The following CSMD3 variants were observed in gnomAD, a reference collection of about 807,000 sequenced individuals.
The protein encoded by CSMD3 is CUB and Sushi multiple domains 3.
A neutral mutation model predicts 435.2 loss-of-function variants in CSMD3; 177 were observed. That is an observed-to-expected ratio of 0.41 (90% CI 0.36 to 0.46). The LOEUF (loss-of-function observed/expected upper bound fraction) is 0.46. CSMD3 is among the 20% of genes least tolerant of loss of function. CSMD3 has a pLI of 0.34. For synonymous variants in CSMD3, 1,656 were observed against 1,520.5 expected, an observed-to-expected ratio of 1.09 and a Z score of -2.07; for missense variants, 4,265 against 4,504.6, an observed-to-expected ratio of 0.95 and a Z score of 1.52.
At chr8:113,125,757 C>T (rs989727230) in intron 4 of CSMD3, among the ~76,000 whole-genome samples, 2 of 151,856 alleles carry the variant, frequency 1.3e-5, no homozygotes, top group African/African-American at 4.8e-5. Flanking sequence ...ACTTGAAAAT[C>T]ATTGGTGGCT....
At chr8:112,237,369 C>T (rs556364827) in intron 66 of CSMD3, 21 bp from the exon 67 acceptor site, 3 of 1,540,014 alleles carry the variant, frequency 1.9e-6, no homozygotes, top group South Asian at 1.1e-5. Flanking sequence ...ATTAAATATA[C>T]CACACATTAA....
At chr8:112,380,562 T>A in intron 37 of CSMD3, 106 bp from the exon 38 acceptor site, 1 of 687,388 alleles carries the variant, frequency 1.5e-6, no homozygotes, top group South Asian at 1.6e-5. Flanking sequence ...AAAATATGCA[T>A]TATTCAAGTT....
intron 22 of CSMD3, among the ~76,000 whole-genome samples, chr8:112,612,420 C>A (rs951744471): frequency 3.2e-4 from 48 of 151,982 alleles, no homozygotes; most frequent in Admixed American, 3.1e-3. Context: ...CGTCTTGTAT[C>A]CAAATGGTGT....
At chr8:112,618,907 T>C (rs989922611) in intron 22 of CSMD3, among the ~76,000 whole-genome samples, 2 of 152,150 alleles carry the variant, frequency 1.3e-5, no homozygotes, top group African/African-American at 2.4e-5. Flanking sequence ...TTTATTTTGG[T>C]CCAGATCATC....
At chr8:112,277,131 AT>A (rs1431522046) in intron 59 of CSMD3, among the ~76,000 whole-genome samples, 1 of 152,162 alleles carries the variant, frequency 6.6e-6, no homozygotes, top group Non-Finnish European at 1.5e-5. Flanking sequence ...TTCTCAGAAA[AT>A]GGGTTTTTCT....
intron 4 of CSMD3, among the ~76,000 whole-genome samples, chr8:113,115,380 GCTTTGTTGCTAACA>G (rs2090791313): frequency 6.6e-6 from 1 of 152,200 alleles, no homozygotes; most frequent in African/African-American, 2.4e-5. Flanking sequence ...AATGAGCACA[GCTTTGTTGCTAACA>G]CCCAAATCAA....
intron 27 of CSMD3, among the ~76,000 whole-genome samples, chr8:112,525,244 T>C (rs1055861801): frequency 6.6e-6 from 1 of 151,424 alleles, no homozygotes. Flanking sequence ...ACTTTTATAA[T>C]ATGAAACTTG....
chr8:112,482,162 C>A (rs564286298), intron 31 of CSMD3, among the ~76,000 whole-genome samples: 1 of 152,296 alleles, frequency 6.6e-6, no homozygotes, highest in South Asian at 2.1e-4. Context: ...AAGCCATCAC[C>A]TTCATCCCTC....
intron 63 of CSMD3, among the ~76,000 whole-genome samples, chr8:112,249,534 T>C (rs1293538365): frequency 6.6e-6 from 1 of 152,086 alleles, no homozygotes; most frequent in Non-Finnish European, 1.5e-5. Flanking sequence ...TCTCCATTTC[T>C]CACTTCATGA....
At chr8:112,668,302 G>C (rs371132720) in intron 16 of CSMD3, among the ~76,000 whole-genome samples, 1 of 152,034 alleles carries the variant, frequency 6.6e-6, no homozygotes, top group African/African-American at 2.4e-5. Context: ...TATTTTACAA[G>C]ACAGAGCTAA....
At chr8:112,711,621 G>C (rs1417377036) in intron 13 of CSMD3, among the ~76,000 whole-genome samples, 1 of 152,176 alleles carries the variant, frequency 6.6e-6, no homozygotes, top group Admixed American at 6.5e-5. Flanking sequence ...ACACTGATTA[G>C]TTATAACAGG....
chr8:112,743,737 A>G (rs1170012011), intron 13 of CSMD3, among the ~76,000 whole-genome samples: 1 of 152,074 alleles, frequency 6.6e-6, no homozygotes, highest in Non-Finnish European at 1.5e-5. Context: ...TTTCTTTAAA[A>G]GGGAAAATAG....
chr8:113,129,393 T>C (rs2091226752), intron 4 of CSMD3, among the ~76,000 whole-genome samples: 1 of 152,094 alleles, frequency 6.6e-6, no homozygotes, highest in African/African-American at 2.4e-5. Context: ...AATGATAAGA[T>C]GTAGAGCCAG....
chr8:113,224,417 AT>A (rs1385763581), intron 3 of CSMD3, among the ~76,000 whole-genome samples: 2 of 151,276 alleles, frequency 1.3e-5, no homozygotes, highest in South Asian at 2.1e-4. Flanking sequence ...TATATAATGA[AT>A]TACTATCCCT....
intron 5 of CSMD3, among the ~76,000 whole-genome samples, chr8:113,027,046 G>A (rs749994602): frequency 6.6e-6 from 1 of 152,136 alleles, no homozygotes; most frequent in Non-Finnish European, 1.5e-5. Flanking sequence ...TTCTCCAAGT[G>A]TGTTCTGAAC....
chr8:112,520,197 A>G (rs933393224), intron 27 of CSMD3, among the ~76,000 whole-genome samples: 3 of 152,120 alleles, frequency 2.0e-5, no homozygotes, highest in African/African-American at 7.2e-5. Context: ...AGAGACCAAT[A>G]AAATAATGAT....
chr8:113,378,617 T>C (rs1476199757), intron 1 of CSMD3, among the ~76,000 whole-genome samples: 3 of 152,174 alleles, frequency 2.0e-5, no homozygotes, highest in African/African-American at 4.8e-5. Flanking sequence ...AAGAGCCTTG[T>C]TTGTAGAGGA....
intron 12 of CSMD3, among the ~76,000 whole-genome samples, chr8:112,819,551 T>C (rs2079471448): frequency 6.6e-6 from 1 of 152,208 alleles, no homozygotes; most frequent in Admixed American, 6.5e-5. Flanking sequence ...CAGCCAGTCC[T>C]ATTAAAACAC....
chr8:112,588,185 AAAC>A (rs1187516904), intron 22 of CSMD3, among the ~76,000 whole-genome samples: 1 of 151,848 alleles, frequency 6.6e-6, no homozygotes, highest in Non-Finnish European at 1.5e-5. Flanking sequence ...AGGAAAAAAA[AAAC>A]AAGTTGTTAT....
Sources: allele counts gnomAD v4.1 joint callset (sites outside exome capture counted in the v4.1 genomes callset), GRCh38; gene constraint gnomAD v4.1.1; transcripts MANE v1.5; gene names NCBI Gene and HGNC (gene_info 2026-07-23, HGNC 2026-07-21).